Variants in SUCLG2 observed in about 807,000 individuals in gnomAD.
SUCLG2 encodes the protein succinate-CoA ligase GDP-forming subunit beta, also known as succinate--CoA ligase [GDP-forming] subunit beta, mitochondrial.
In SUCLG2, 42 loss-of-function variants were observed where a neutral mutation model predicts 47.9. The observed-to-expected ratio is 0.88, with a 90% CI of 0.69 to 1.14. SUCLG2 has a LOEUF of 1.14. Ranked by LOEUF, SUCLG2 falls within the 50% of genes most tolerant of loss-of-function variation. SUCLG2 has a pLI of 0.00. For synonymous variants in SUCLG2, 195 were observed against 197.3 expected (o/e 0.99, Z 0.10); for missense variants, 571 against 525.9 (o/e 1.09, Z -0.84).
At chr3:67,381,204 AAAAT>A (rs1702151104) in intron 10 of SUCLG2, among the ~76,000 whole-genome samples, 1 of 32,142 alleles carries the variant, frequency 3.1e-5, no homozygotes, top group Non-Finnish European at 7.4e-5. Context: ...ATAAATAAAT[AAAAT>A]AAAATAAAAT....
At chr3:67,399,075 G>A (rs959307330) in intron 10 of SUCLG2, among the ~76,000 whole-genome samples, 1 of 150,474 alleles carries the variant, frequency 6.6e-6, no homozygotes, top group Non-Finnish European at 1.5e-5. Context: ...AATGCTAAAT[G>A]ACGAGTTAAT....
At chr3:67,501,862 T>C (rs886070402) in intron 7 of SUCLG2, among the ~76,000 whole-genome samples, 1 of 152,128 alleles carries the variant, frequency 6.6e-6, no homozygotes, top group African/African-American at 2.4e-5. Flanking sequence ...TACCTCTTCA[T>C]CTGGCTATTC....
intron 9 of SUCLG2, among the ~76,000 whole-genome samples, chr3:67,470,006 T>C (rs560064593): frequency 2.2e-4 from 33 of 149,540 alleles, no homozygotes; most frequent in Non-Finnish European, 3.4e-4. Context: ...GATCACGCCA[T>C]TGCACTCCAG....
intron 9 of SUCLG2, among the ~76,000 whole-genome samples, chr3:67,404,314 GAAC>G (rs1702754489): frequency 6.6e-6 from 1 of 151,914 alleles, no homozygotes; most frequent in African/African-American, 2.4e-5. Flanking sequence ...GAGAAATACA[GAAC>G]AACCATGAGA....
At chr3:67,577,666 G>T (rs1023105647) in intron 2 of SUCLG2, among the ~76,000 whole-genome samples, 1 of 152,148 alleles carries the variant, frequency 6.6e-6, no homozygotes. Context: ...CTCTACCAGA[G>T]CCTCTGTCTT....
At chr3:67,634,206 G>A (rs954924042) in intron 1 of SUCLG2, among the ~76,000 whole-genome samples, 1 of 152,084 alleles carries the variant, frequency 6.6e-6, no homozygotes, top group Non-Finnish European at 1.5e-5. Context: ...GCTCTTTGGT[G>A]CCACAACAGG....
At chr3:67,400,939 A>G (rs1437390021) in intron 9 of SUCLG2, 88 bp from the exon 10 acceptor site, 3 of 1,559,706 alleles carry the variant, frequency 1.9e-6, no homozygotes, top group Non-Finnish European at 2.6e-6. Context: ...GACAATTAAA[A>G]TAAGACTGCT....
intron 9 of SUCLG2, among the ~76,000 whole-genome samples, chr3:67,411,139 C>A (rs1170093666): frequency 3.9e-5 from 6 of 152,040 alleles, no homozygotes; most frequent in African/African-American, 1.4e-4. Context: ...ACATATCAGT[C>A]TCCACAGGGT....
chr3:67,516,711 C>T (rs546780043), intron 6 of SUCLG2, among the ~76,000 whole-genome samples: 18 of 152,246 alleles, frequency 1.2e-4, no homozygotes, highest in African/African-American at 4.1e-4. Context: ...AAGTCCCTGC[C>T]GTGGTAAAGA....
At chr3:67,515,330 G>A (rs1284674684) in intron 6 of SUCLG2, among the ~76,000 whole-genome samples, 1 of 152,138 alleles carries the variant, frequency 6.6e-6, no homozygotes, top group Non-Finnish European at 1.5e-5. Flanking sequence ...GTCTTGGGAC[G>A]TATCCTCCAC....
At chr3:67,533,360 T>A (rs930472281) in intron 2 of SUCLG2, among the ~76,000 whole-genome samples, 3 of 152,174 alleles carry the variant, frequency 2.0e-5, no homozygotes, top group Non-Finnish European at 4.4e-5. Context: ...CTATTTGGAG[T>A]CAATAATATT....
At chr3:67,589,504 C>T (rs558663666) in intron 2 of SUCLG2, among the ~76,000 whole-genome samples, 2 of 152,292 alleles carry the variant, frequency 1.3e-5, no homozygotes, top group South Asian at 4.1e-4. Flanking sequence ...ATCTTGGATA[C>T]CCCACTACTG....
chr3:67,440,261 C>G (rs574288673), intron 9 of SUCLG2, among the ~76,000 whole-genome samples: 33 of 152,130 alleles, frequency 2.2e-4, no homozygotes, highest in Non-Finnish European at 4.4e-4. Flanking sequence ...AATGTAAGAC[C>G]TAAAACCATA....
chr3:67,536,934 A>C (rs1415986334), intron 2 of SUCLG2, among the ~76,000 whole-genome samples: 1 of 152,214 alleles, frequency 6.6e-6, no homozygotes, highest in African/African-American at 2.4e-5. Context: ...AAAAACTAGA[A>C]ATAATCCAAA....
chr3:67,442,387 C>T (rs1334287360), intron 9 of SUCLG2, among the ~76,000 whole-genome samples: 1 of 152,170 alleles, frequency 6.6e-6, no homozygotes, highest in African/African-American at 2.4e-5. Context: ...ACAGCGGCAT[C>T]AGTATTGGCC....
At chr3:67,376,417 T>C in intron 10 of SUCLG2, 2 of 985,418 alleles carry the variant, frequency 2.0e-6, no homozygotes, top group Non-Finnish European at 2.4e-6. Context: ...ATCTGGAGTA[T>C]CTTCTGGCCA....
chr3:67,576,429 A>C (rs887091604), intron 2 of SUCLG2, among the ~76,000 whole-genome samples: 8 of 152,210 alleles, frequency 5.3e-5, no homozygotes, highest in Non-Finnish European at 1.2e-4. Context: ...AGACTTAGGA[A>C]ATTTTCTTGA....
At position 67,495,436 on chromosome 3, in the gene SUCLG2, C is replaced by T. The variant is rs888485611; in HGVS notation, c.1062+362G>A. ...TTTGGAGGCCTAGGCGGGCAGACCA[C>T]GAGGTAGGGAGTTTGAGACCAGCCT... On this transcript the variant is annotated intron_variant, in intron 9 of 10. Transcript: ENST00000307227. Among the ~76,000 whole-genome samples, 13 of 152,086 alleles carry T rather than the reference C, an allele frequency of 8.5e-5. 1 individual carries two copies. Among genetic ancestry groups the T allele is most frequent in the Admixed American group, 3.9e-4 (6 of 15,264 alleles).
intron 10 of SUCLG2, among the ~76,000 whole-genome samples, chr3:67,392,472 T>C (rs1190813065): frequency 6.6e-6 from 1 of 152,232 alleles, no homozygotes; most frequent in Non-Finnish European, 1.5e-5. Flanking sequence ...TTAGTTAGGC[T>C]AGCTTTCTTA....
Sources: allele counts gnomAD v4.1 joint callset (sites outside exome capture counted in the v4.1 genomes callset), GRCh38; gene constraint gnomAD v4.1.1; transcripts MANE v1.5; gene names NCBI Gene and HGNC (gene_info 2026-07-23, HGNC 2026-07-21).